Variants in THOC7 observed in about 807,000 individuals in gnomAD.
THOC7 encodes the protein NIF3L1-binding protein 1.
A neutral mutation model predicts 33.1 loss-of-function variants in THOC7; 22 were observed. The ratio of observed to expected loss-of-function variants is 0.66; its 90% CI spans 0.47 to 0.95. The LOEUF (loss-of-function observed/expected upper bound fraction) is 0.95. Among genes scored for constraint, THOC7 ranks in the 40% least tolerant of loss-of-function variants. The probability of loss-of-function intolerance (pLI) is 0.00; values close to 1 mark genes in which losing one functional copy is unlikely to be tolerated. For synonymous variants in THOC7, 77 were observed against 76.8 expected (o/e 1.00, Z -0.01); for missense variants, 184 against 245.3 (o/e 0.75, Z 1.67).
chr3:63,839,774 C>CT lies in THOC7; in HGVS notation c.20-2dup. 1 of 1,613,104 alleles carries CT rather than the reference C, an allele frequency of 6.2e-7. No individual in the cohort carries two copies. The highest frequency in any genetic ancestry group is 8.5e-7 in the Non-Finnish European group (1 of 1,179,654). ...AGGAGACGCTTCCGTATAACTTCGT[C>CT]TGCAGGAAAGAAGGGCAATGTTACC... On this transcript the variant is annotated splice_acceptor_variant, in intron 1 of 7. Transcript: ENST00000295899. LOFTEE classifies it high-confidence loss of function.
intron 1 of THOC7, among the ~76,000 whole-genome samples, chr3:63,854,349 C>T (rs1265846411): frequency 6.6e-6 from 1 of 152,136 alleles, no homozygotes; most frequent in Non-Finnish European, 1.5e-5. Flanking sequence ...CCATAATGAA[C>T]ACACTTAAAA....
At chr3:63,834,224 A>T in intron 7 of THOC7, 25 bp from the exon 8 acceptor site, 1 of 1,612,018 alleles carries the variant, frequency 6.2e-7, no homozygotes, top group Non-Finnish European at 8.5e-7. Context: ...GAAACATAAA[A>T]CCTTAGTCAA....
intron 1 of THOC7, chr3:63,861,713 T>G (rs1425858974): frequency 6.6e-6 from 1 of 152,024 alleles, no homozygotes. Context: ...CGTTAGTAAG[T>G]GGCGAGGAAA....
intron 1 of THOC7, among the ~76,000 whole-genome samples, chr3:63,850,015 A>C (rs1701987677): frequency 6.6e-6 from 1 of 152,188 alleles, no homozygotes; most frequent in East Asian, 1.9e-4. Flanking sequence ...TCAGGATGAG[A>C]AGTTGTTGAC....
intron 1 of THOC7, among the ~76,000 whole-genome samples, chr3:63,843,103 C>T (rs1264252757): frequency 2.0e-5 from 3 of 148,224 alleles, no homozygotes; most frequent in East Asian, 4.2e-4. Flanking sequence ...CTCCAAAAAC[C>T]GTATGTATAT....
intron 5 of THOC7, 139 bp from the exon 6 acceptor site, chr3:63,835,529 G>C (rs1701614423): frequency 1.7e-6 from 1 of 604,484 alleles, no homozygotes; most frequent in Non-Finnish European, 2.7e-6. Context: ...CCATTATGGT[G>C]AAACTTTTAA....
At chr3:63,845,872 T>G (rs1031657264) in intron 1 of THOC7, among the ~76,000 whole-genome samples, 10 of 152,132 alleles carry the variant, frequency 6.6e-5, no homozygotes, top group African/African-American at 2.4e-4. Flanking sequence ...AATGGCAAAA[T>G]CTTACAAAAG....
chr3:63,859,734 G>A (rs557422725), intron 1 of THOC7, among the ~76,000 whole-genome samples: 14 of 152,340 alleles, frequency 9.2e-5, no homozygotes, highest in African/African-American at 3.1e-4. Context: ...CCAGGACCTC[G>A]CATTGTGCCT....
intron 1 of THOC7, among the ~76,000 whole-genome samples, chr3:63,852,145 C>T (rs1480032123): frequency 1.3e-5 from 2 of 152,204 alleles, no homozygotes; most frequent in Non-Finnish European, 2.9e-5. Flanking sequence ...CTACATGACG[C>T]TAATTCTGCA....
At chr3:63,863,528 G>C (rs1214523241) in intron 1 of THOC7, 1 of 1,193,106 alleles carries the variant, frequency 8.4e-7, no homozygotes, top group Middle Eastern at 3.4e-4. Flanking sequence ...CTGCCTCCGG[G>C]AGAGCGGACG....
intron 1 of THOC7, among the ~76,000 whole-genome samples, chr3:63,840,947 G>A (rs1034172688): frequency 1.3e-5 from 2 of 152,156 alleles, no homozygotes; most frequent in African/African-American, 4.8e-5. Context: ...TTGTCCTATA[G>A]AAGTGCACTC....
At chr3:63,855,596 G>T (rs538316951) in intron 1 of THOC7, among the ~76,000 whole-genome samples, 1 of 152,088 alleles carries the variant, frequency 6.6e-6, no homozygotes, top group African/African-American at 2.4e-5. Flanking sequence ...CCAGACTAAC[G>T]TTTTCAAAAT....
At chr3:63,855,443 CTA>C (rs1702097280) in intron 1 of THOC7, among the ~76,000 whole-genome samples, 1 of 152,146 alleles carries the variant, frequency 6.6e-6, no homozygotes, top group African/African-American at 2.4e-5. Context: ...TCTTAAAACT[CTA>C]TGTTTCATAA....
chr3:63,835,353 A>C lies in THOC7; in HGVS notation c.448T>G (p.Ser150Ala). ...EALGKELEHL[S>A]HIKESVEDKL... Reference sequence around the variant, plus strand: ...TCTTCAACACTTTCTTTAATGTGTGAAAGATGCTCTAATTCTTTTCCCAGA... The same window carrying C: ...TCTTCAACACTTTCTTTAATGTGTGCAAGATGCTCTAATTCTTTTCCCAGA... Residue 150 changes from serine (S) to alanine (A), a missense_variant, in exon 6 of 8, where the codon TCA becomes GCA. Ser to Ala is a moderately conservative substitution (Grantham distance 99). Transcript: ENST00000295899. 1.9e-6 allele frequency: 3 copies of C among 1,613,592 alleles called. No homozygotes were observed. Among genetic ancestry groups the C allele is most frequent in the Non-Finnish European group, 2.5e-6 (3 of 1,179,768 alleles).
At chr3:63,839,008 T>G (rs540650799) in intron 2 of THOC7, among the ~76,000 whole-genome samples, 34 of 152,306 alleles carry the variant, frequency 2.2e-4, no homozygotes, top group African/African-American at 6.7e-4. Context: ...CTGGCCAACA[T>G]GGTGAAACCC....
chr3:63,846,677 C>T (rs895952599), intron 1 of THOC7, among the ~76,000 whole-genome samples: 2 of 152,058 alleles, frequency 1.3e-5, no homozygotes, highest in South Asian at 2.1e-4. Context: ...TCCTAAAGTG[C>T]GGGAATTATA....
intron 1 of THOC7, among the ~76,000 whole-genome samples, chr3:63,843,941 A>G (rs1701828423): frequency 6.6e-6 from 1 of 152,164 alleles, no homozygotes; most frequent in South Asian, 2.1e-4. Context: ...GTGTATATAT[A>G]TATGTGTGTA....
intron 1 of THOC7, among the ~76,000 whole-genome samples, chr3:63,857,687 T>C (rs771415830): frequency 6.6e-6 from 1 of 152,242 alleles, no homozygotes; most frequent in African/African-American, 2.4e-5. Flanking sequence ...GATTCCTCCA[T>C]GTAGATATTA....
At chr3:63,862,099 T>A (rs1003269523) in intron 1 of THOC7, among the ~76,000 whole-genome samples, 5 of 151,980 alleles carry the variant, frequency 3.3e-5, no homozygotes, top group Non-Finnish European at 7.3e-5. Flanking sequence ...CATGTGTGTG[T>A]GTTTTAATGC....
Sources: allele counts gnomAD v4.1 joint callset (sites outside exome capture counted in the v4.1 genomes callset), GRCh38; gene constraint gnomAD v4.1.1; transcripts MANE v1.5; gene names NCBI Gene and HGNC (gene_info 2026-07-23, HGNC 2026-07-21).